ATP8A2: variants seen among roughly 807,000 people sequenced by gnomAD.
ATP8A2 encodes phospholipid-transporting ATPase IB.
ATP8A2 carries 100 observed loss-of-function variants against 165.6 expected under a neutral mutation model. The ratio of observed to expected loss-of-function variants is 0.60; its 90% CI spans 0.51 to 0.71. The LOEUF (loss-of-function observed/expected upper bound fraction) is 0.71, where lower values mean the gene tolerates loss of function less well. Among genes scored for constraint, ATP8A2 ranks in the 30% least tolerant of loss-of-function variants. The pLI, the probability that ATP8A2 is intolerant of heterozygous loss-of-function variation, is 0.00. For synonymous variants in ATP8A2, 543 were observed against 548.8 expected (o/e 0.99, Z 0.15); for missense variants, 1,227 against 1,479.5 (o/e 0.83, Z 2.80).
intron 2 of ATP8A2, among the ~76,000 whole-genome samples, chr13:25,496,273 G>A (rs1349830586): frequency 1.3e-5 from 2 of 152,304 alleles, no homozygotes; most frequent in South Asian, 2.1e-4. Flanking sequence ...GCACATGGAA[G>A]CAGCTCTGGG....
chr13:25,697,662 C>T (rs1205582897), intron 24 of ATP8A2, among the ~76,000 whole-genome samples: 18 of 152,152 alleles, frequency 1.2e-4, no homozygotes, highest in Admixed American at 1.2e-3. Flanking sequence ...TGCCAAGTCC[C>T]GTGCTAAATA....
intron 25 of ATP8A2, among the ~76,000 whole-genome samples, chr13:25,755,455 C>G (rs1279846963): frequency 1.3e-5 from 2 of 152,178 alleles, no homozygotes; most frequent in Non-Finnish European, 2.9e-5. Context: ...TTGGCAGTAG[C>G]CATTGTGTGC....
At chr13:25,960,229 A>C (rs1489210098) in intron 33 of ATP8A2, among the ~76,000 whole-genome samples, 1 of 152,186 alleles carries the variant, frequency 6.6e-6, no homozygotes, top group Non-Finnish European at 1.5e-5. Context: ...AGGGAGCGGC[A>C]GGGCTGCAGT....
chr13:25,375,030 A>G (rs939219664), intron 1 of ATP8A2, among the ~76,000 whole-genome samples: 1 of 152,186 alleles, frequency 6.6e-6, no homozygotes, highest in Admixed American at 6.5e-5. Context: ...TGCATATTCA[A>G]TTGCACTTTG....
At chr13:25,775,678 G>C (rs2044725970) in intron 27 of ATP8A2, among the ~76,000 whole-genome samples, 2 of 152,166 alleles carry the variant, frequency 1.3e-5, no homozygotes, top group African/African-American at 4.8e-5. Flanking sequence ...GCTATAAAGG[G>C]GGTGGCTTTT....
intron 2 of ATP8A2, among the ~76,000 whole-genome samples, chr13:25,473,803 C>T (rs998515695): frequency 2.0e-5 from 3 of 152,120 alleles, no homozygotes; most frequent in Non-Finnish European, 4.4e-5. Flanking sequence ...TACAAAAGCT[C>T]ACTATTTAGA....
intron 24 of ATP8A2, among the ~76,000 whole-genome samples, chr13:25,622,841 T>C (rs2041006153): frequency 6.6e-6 from 1 of 152,178 alleles, no homozygotes; most frequent in Non-Finnish European, 1.5e-5. Flanking sequence ...GTCCCAAGCA[T>C]TTCAGATAAG....
intron 30 of ATP8A2, among the ~76,000 whole-genome samples, chr13:25,840,461 T>C (rs1047913220): frequency 3.3e-5 from 5 of 152,188 alleles, no homozygotes; most frequent in African/African-American, 9.7e-5. Context: ...CTTTAACCTA[T>C]TAAATACTGA....
At chr13:25,862,877 ATCTC>A (rs2138768779) in intron 33 of ATP8A2, among the ~76,000 whole-genome samples, 1 of 152,344 alleles carries the variant, frequency 6.6e-6, no homozygotes, top group Admixed American at 6.5e-5. Flanking sequence ...ATAAACCAGA[ATCTC>A]TCATTGTTCA....
At chr13:25,389,803 C>T (rs2033179982) in intron 1 of ATP8A2, among the ~76,000 whole-genome samples, 1 of 152,076 alleles carries the variant, frequency 6.6e-6, no homozygotes, top group Non-Finnish European at 1.5e-5. Context: ...GGAGAGAAGA[C>T]CTGGACATGT....
intron 24 of ATP8A2, among the ~76,000 whole-genome samples, chr13:25,615,128 C>T (rs2040789164): frequency 6.6e-6 from 1 of 152,078 alleles, no homozygotes; most frequent in South Asian, 2.1e-4. Flanking sequence ...TCTTCGGCTA[C>T]CAGGGTGGGT....
chr13:25,878,267 T>G (rs1309089399), intron 33 of ATP8A2, among the ~76,000 whole-genome samples: 1 of 152,080 alleles, frequency 6.6e-6, no homozygotes, highest in Non-Finnish European at 1.5e-5. Flanking sequence ...TTATAAGGTA[T>G]GTCGAAACAA....
chr13:25,471,058 A>T (rs1391803728), intron 2 of ATP8A2, among the ~76,000 whole-genome samples: 1 of 152,164 alleles, frequency 6.6e-6, no homozygotes, highest in African/African-American at 2.4e-5. Context: ...TACCTAAACC[A>T]TTTGGAATCC....
At position 25,540,317 on chromosome 13, in the gene ATP8A2, A is replaced by G; in HGVS notation, c.582-2A>G. ...CTTGGCTCTTTTTTTCTCTCTCCTT[A>G]GTGAACCTCAGGCAATGTGTTATGT... On this transcript the variant is annotated splice_acceptor_variant, in intron 7 of 36. Coordinates refer to ENST00000381655, the MANE Select transcript of ATP8A2 (RefSeq NM_016529.6). LOFTEE classifies it high-confidence loss of function. 1 of 1,612,422 alleles carries G rather than the reference A, an allele frequency of 6.2e-7. No individual in the cohort carries two copies. The highest frequency in any genetic ancestry group is 8.5e-7 in the Non-Finnish European group (1 of 1,178,502).
intron 14 of ATP8A2, 27 bp downstream of exon 14, chr13:25,559,088 AT>A: frequency 7.1e-7 from 1 of 1,416,036 alleles, no homozygotes; most frequent in Non-Finnish European, 9.8e-7. Flanking sequence ...TTTACTGAAA[AT>A]TTACTTGTAT....
At chr13:25,645,927 G>A (rs2041659147) in intron 24 of ATP8A2, among the ~76,000 whole-genome samples, 1 of 152,102 alleles carries the variant, frequency 6.6e-6, no homozygotes, top group African/African-American at 2.4e-5. Flanking sequence ...TGTCTGTTAA[G>A]TCCATTAGGT....
At chr13:25,972,982 T>C (rs1353298487) in intron 35 of ATP8A2, among the ~76,000 whole-genome samples, 1 of 152,206 alleles carries the variant, frequency 6.6e-6, no homozygotes, top group Non-Finnish European at 1.5e-5. Context: ...GAGTTATGCA[T>C]AGCCTGAATA....
intron 25 of ATP8A2, among the ~76,000 whole-genome samples, chr13:25,763,554 A>G (rs1398349154): frequency 6.6e-6 from 1 of 152,112 alleles, no homozygotes; most frequent in Non-Finnish European, 1.5e-5. Flanking sequence ...GCTCGCCTGA[A>G]TGCACCCCCA....
intron 33 of ATP8A2, among the ~76,000 whole-genome samples, chr13:25,887,341 A>G (rs752315395): frequency 6.6e-6 from 1 of 151,166 alleles, no homozygotes; most frequent in Admixed American, 6.6e-5. Flanking sequence ...CCTCAGTCCA[A>G]CTCTTTTTTT....
Sources: gnomAD v4.1 joint callset for allele counts (sites outside exome capture counted in the v4.1 genomes callset) on GRCh38, gnomAD v4.1.1 for gene constraint, MANE v1.5 for transcripts, NCBI Gene and HGNC (gene_info 2026-07-23, HGNC 2026-07-21) for gene names.